Variants in C4BPA observed in about 807,000 individuals in gnomAD.
The protein encoded by C4BPA is C4b-binding protein alpha chain.
In C4BPA, 31 loss-of-function variants were observed where a neutral mutation model predicts 63.7. That is an observed-to-expected ratio of 0.49 (90% CI 0.37 to 0.66). C4BPA has a LOEUF of 0.66. Ranked by LOEUF, C4BPA falls within the 30% of genes least tolerant of loss-of-function variation. The probability of loss-of-function intolerance (pLI) is 0.00; values close to 1 mark genes in which losing one functional copy is unlikely to be tolerated. For synonymous variants in C4BPA, 259 were observed against 254.7 expected (o/e 1.02, Z -0.16); for missense variants, 572 against 723.3 (o/e 0.79, Z 2.40).
Position 207,113,088 on chromosome 1 carries a change from C to A in C4BPA, c.63C>A (p.Pro21=). ...LHRKRKMAAW[P]FSRLWKVSDP... ...GAAAAAGGAAAATGGCAGCCTGGCCCTTCTCCAGGCTGTGGAAAGTCTCTG... is the reference window on the plus strand; with the variant it reads ...GAAAAAGGAAAATGGCAGCCTGGCCATTCTCCAGGCTGTGGAAAGTCTCTG... The change falls in exon 2 of 12, where the codon CCC becomes CCA. Residue 21 remains proline (P), a synonymous_variant. Coordinates refer to ENST00000367070, the MANE Select transcript of C4BPA (RefSeq NM_000715.4). 1.9e-6 allele frequency: 3 copies of A among 1,610,362 alleles called. No homozygotes were observed. The highest frequency in any genetic ancestry group is 2.5e-6 in the Non-Finnish European group (3 of 1,178,406).
intron 1 of C4BPA, among the ~76,000 whole-genome samples, chr1:207,109,020 C>T (rs1684614103): frequency 6.6e-6 from 1 of 152,174 alleles, no homozygotes; most frequent in Non-Finnish European, 1.5e-5. Flanking sequence ...CGCGTCTGAC[C>T]TGTGGGTGAT....
Position 207,118,157 on chromosome 1 carries a change from G to A in C4BPA, c.428+2642G>A, listed in dbSNP as rs1684843395. Among the ~76,000 whole-genome samples, 75 of 99,606 alleles carry A rather than the reference G, an allele frequency of 7.5e-4. 1 individual carries two copies. Among genetic ancestry groups the A allele is most frequent in the African/African-American group, 1.9e-3 (65 of 34,578 alleles). 65.3% of individuals were successfully genotyped at this position (99,606 alleles called of 152,430 possible). ...TATCTGTCTGTCTGTCTGTCTGTCT[G>A]TCTGTCTGTCTATCTATCTATATCT... On this transcript the variant is annotated intron_variant, in intron 4 of 11. Transcript: ENST00000367070.
intron 4 of C4BPA, among the ~76,000 whole-genome samples, chr1:207,116,673 C>T (rs1189923975): frequency 1.3e-5 from 2 of 151,526 alleles, no homozygotes; most frequent in Non-Finnish European, 2.9e-5. Flanking sequence ...GATTTTATGT[C>T]CTAAGGCCTT....
At chr1:207,139,136 T>C (rs561467113) in intron 9 of C4BPA, among the ~76,000 whole-genome samples, 1 of 152,296 alleles carries the variant, frequency 6.6e-6, no homozygotes, top group African/African-American at 2.4e-5. Context: ...ATGCAAACTG[T>C]TTCTGCTAGG....
At position 207,114,377 on chromosome 1, in the gene C4BPA, A is replaced by T. The variant is rs1684736311; in HGVS notation, c.328+92A>T. On this transcript the variant is annotated intron_variant, in intron 3 of 11. Coordinates refer to ENST00000367070, the MANE Select transcript of C4BPA (RefSeq NM_000715.4). ...ATTTTCTGAATCTTTAGTCACCAAG[A>T]AGACAGTTTGTCAATTACTGATTTC... 5 of 1,026,442 alleles carry T rather than the reference A, an allele frequency of 4.9e-6. No individual in the cohort carries two copies. In the South Asian group the frequency reaches 7.8e-5, roughly 16 times the overall value. 63.6% of individuals were successfully genotyped at this position (1,026,442 alleles called of 1,614,324 possible). A position where few individuals can be genotyped will look rare whatever the true frequency, so the allele number is the denominator to read the frequency against.
chr1:207,131,496 G>A, intron 7 of C4BPA, 50 bp from the exon 8 acceptor site: 1 of 1,341,442 alleles, frequency 7.5e-7, no homozygotes, highest in Non-Finnish European at 1.1e-6. Flanking sequence ...TGCTGTGGCA[G>A]CCCTAGTAAT....
chr1:207,130,415 G>A (rs1341479041), intron 7 of C4BPA, among the ~76,000 whole-genome samples: 1 of 152,056 alleles, frequency 6.6e-6, no homozygotes, highest in Non-Finnish European at 1.5e-5. Flanking sequence ...GTTTAACCAT[G>A]GAGTTACCAT....
chr1:207,124,079 A>G, intron 5 of C4BPA, 72 bp downstream of exon 5: 2 of 1,480,732 alleles, frequency 1.4e-6, no homozygotes, highest in Admixed American at 1.7e-5. Flanking sequence ...GTGCATCTTT[A>G]CAGGTATGTG....
intron 7 of C4BPA, among the ~76,000 whole-genome samples, chr1:207,129,865 T>C (rs575850663): frequency 1.3e-5 from 2 of 152,160 alleles, no homozygotes; most frequent in Non-Finnish European, 2.9e-5. Flanking sequence ...ATGTTAATCT[T>C]CTTATTCTTC....
intron 3 of C4BPA, chr1:207,114,872 A>C (rs1404549074): frequency 6.5e-6 from 1 of 153,478 alleles, no homozygotes; most frequent in East Asian, 1.9e-4. Context: ...TGATCTATTG[A>C]AAATCAGATT....
rs201884248 is a variant in C4BPA, at chr1:207,113,053, G to A, written c.28G>A (p.Ala10Thr). 182 of 1,608,080 alleles carry A rather than the reference G, an allele frequency of 1.1e-4. No individual in the cohort carries two copies. Among genetic ancestry groups the A allele is most frequent in the Non-Finnish European group, 2.5e-5 (30 of 1,177,954 alleles). The change falls in exon 2 of 12, where the codon GCT (alanine) becomes ACT (threonine). Residue 10 changes from alanine (A) to threonine (T), a missense_variant. By Grantham distance (58) the Ala-to-Thr change is moderately conservative. Transcript: ENST00000367070. MHPPKTPSG[A>T]LHRKRKMAAW... ...GCACCCCCCAAAAACTCCATCTGGG[G>A]CTCTTCATAGAAAAAGGAAAATGGC...
chr1:207,120,232 G>A (rs1684893976), intron 4 of C4BPA, among the ~76,000 whole-genome samples: 1 of 152,118 alleles, frequency 6.6e-6, no homozygotes, highest in Non-Finnish European at 1.5e-5. Context: ...TTAATTTAGG[G>A]TTTTCAGGTA....
At position 207,114,286 on chromosome 1, in the gene C4BPA, G is replaced by GT. The variant is rs1684734425; in HGVS notation, c.328+2dup. On this transcript the variant is annotated splice_donor_variant, in intron 3 of 11. Coordinates refer to ENST00000367070, the MANE Select transcript of C4BPA (RefSeq NM_000715.4). LOFTEE classifies it high-confidence loss of function. Reference sequence around the variant, plus strand: ...TGGGTGTATAACACCTTCTGTATCTGTAAGTATCAACATTTATTTTTTTCC... The same window carrying GT: ...TGGGTGTATAACACCTTCTGTATCTGTTAAGTATCAACATTTATTTTTTTCC... The GT allele has an allele frequency of 1.9e-6, 3 of 1,595,616 alleles. No homozygotes were observed. The highest frequency in any genetic ancestry group is 4.5e-5 in the East Asian group (2 of 44,496).
At chr1:207,114,955 A>C (rs913648528) in intron 3 of C4BPA, among the ~76,000 whole-genome samples, 3 of 152,210 alleles carry the variant, frequency 2.0e-5, no homozygotes, top group Non-Finnish European at 4.4e-5. Context: ...AACCTCACTC[A>C]AAATATTTGC....
chr1:207,136,921 A>C (rs1439808008), intron 9 of C4BPA, among the ~76,000 whole-genome samples: 1 of 152,168 alleles, frequency 6.6e-6, no homozygotes, highest in African/African-American at 2.4e-5. Flanking sequence ...AAACTTCCCA[A>C]AGTAGTTTTT....
At chr1:207,114,600 T>G (rs963893594) in intron 3 of C4BPA, 1 of 230,288 alleles carries the variant, frequency 4.3e-6, no homozygotes, top group African/African-American at 2.5e-5. Context: ...TTCAAGTGAC[T>G]CTCCTGCCTC....
At chr1:207,140,178 A>G (rs936294643) in intron 9 of C4BPA, among the ~76,000 whole-genome samples, 4 of 152,170 alleles carry the variant, frequency 2.6e-5, no homozygotes, top group Admixed American at 2.0e-4. Flanking sequence ...CTTTTTTGTC[A>G]TCAGCTCCAG....
At chr1:207,138,701 C>T (rs1685347904) in intron 9 of C4BPA, among the ~76,000 whole-genome samples, 1 of 152,178 alleles carries the variant, frequency 6.6e-6, no homozygotes, top group South Asian at 2.1e-4. Flanking sequence ...AATCATTTGT[C>T]CCCCCTAGCC....
In C4BPA at chr1:207,144,748, T is replaced by C; in HGVS notation, c.*31T>C. 6.5e-7 allele frequency: 1 copy of C among 1,527,668 alleles called. No individual in the cohort carries two copies. Among genetic ancestry groups the C allele is most frequent in the Middle Eastern group, 1.8e-4 (1 of 5,580 alleles). The allele number at this position is 1,527,668 out of a possible 1,614,324, so 94.6% of individuals were successfully genotyped here. A position where few individuals can be genotyped will look rare whatever the true frequency, so the allele number is the denominator to read the frequency against. Reference sequence around the variant, plus strand: ...CTCAAAAGAAGGAGGAAAAGGTGTCTTGCTGGCTTGCCTCTTGCAATTCAA... The same window carrying C: ...CTCAAAAGAAGGAGGAAAAGGTGTCCTGCTGGCTTGCCTCTTGCAATTCAA... On this transcript the variant is annotated 3_prime_UTR_variant, in exon 12 of 12. Transcript: ENST00000367070.
Sources: allele counts gnomAD v4.1 joint callset (sites outside exome capture counted in the v4.1 genomes callset), GRCh38; gene constraint gnomAD v4.1.1; transcripts MANE v1.5; gene names NCBI Gene and HGNC (gene_info 2026-07-23, HGNC 2026-07-21).